The following FOSB variants were observed in gnomAD, a reference collection of about 807,000 sequenced individuals.
FOSB encodes the protein FosB proto-oncogene, AP-1 transcription factor subunit.
FOSB carries 8 observed loss-of-function variants against 31.1 expected under a neutral mutation model. The ratio of observed to expected loss-of-function variants is 0.26; its 90% CI spans 0.15 to 0.46. The LOEUF (loss-of-function observed/expected upper bound fraction) is 0.46. FOSB is among the 20% of genes least tolerant of loss of function. The pLI is 0.99. For synonymous variants in FOSB, 214 were observed against 206.1 expected (o/e 1.04, Z -0.33); for missense variants, 376 against 460.6 (o/e 0.82, Z 1.68).
chr19:45,469,893 T>G (rs1280066601), intron 1 of FOSB: 2 of 151,984 alleles, frequency 1.3e-5, no homozygotes, highest in Admixed American at 1.3e-4. Context: ...AGTTAAGCCT[T>G]CAGAGCAGTT....
rs201608348 is a variant in FOSB, at chr19:45,470,865, T to C, written c.363T>C (p.Gly121=). The C allele has an allele frequency of 1.2e-6, 2 of 1,613,814 alleles. No homozygotes were observed. The highest frequency in any genetic ancestry group is 1.7e-6 in the Non-Finnish European group (2 of 1,179,954). Residue 121 remains glycine (G), a synonymous_variant, in exon 2 of 4, where the codon GGT becomes GGC. Coordinates refer to ENST00000353609, the MANE Select transcript of FOSB (RefSeq NM_006732.3). ...GCAGTGGCGGAGCGAGTGGCAGTGG[T>C]GGGCCTTCCACCAGCGGAACTACCA... The part of the protein sequence containing the change: ...GYSSGGASGS[G]GPSTSGTTSG...
At chr19:45,469,192 G>C (rs1287292458) in intron 1 of FOSB, among the ~76,000 whole-genome samples, 1 of 152,226 alleles carries the variant, frequency 6.6e-6, no homozygotes, top group Admixed American at 6.5e-5. Context: ...ACCCTCAGCC[G>C]CGCTGCCTCC....
Position 45,472,687 on chromosome 19 carries a change from G to A in FOSB, c.692G>A (p.Gly231Glu), listed in dbSNP as rs775259642. Residue 231 changes from glycine (G) to glutamate (E), a missense_variant, in exon 4 of 4, where the codon GGG (glycine) becomes GAG (glutamate). Physicochemically the swap from Gly to Glu is moderately conservative, Grantham distance 98. This residue lies in a region of FOSB where 148 missense variants were observed against 170.0 expected (regional missense o/e 0.87). Coordinates refer to ENST00000353609, the MANE Select transcript of FOSB (RefSeq NM_006732.3). The surrounding 1 kb of genome is among the most constrained non-coding windows in gnomAD (Gnocchi z 5.4). ...AAGATCCCCTACGAAGAGGGGCCCG[G>A]GCCGGGCCCGCTGGCGGAGGTGAGA... ...GCKIPYEEGP[G>E]PGPLAEVRDL... 1.1e-5 allele frequency: 17 copies of A among 1,608,404 alleles called. No individual in the cohort carries two copies. In the Admixed American group the frequency reaches 1.4e-4, roughly 13 times the overall value.
In FOSB at chr19:45,473,588, G is replaced by GC. The variant is rs11351764; in HGVS notation, c.*584dup. On this transcript the variant is annotated 3_prime_UTR_variant, in exon 4 of 4. Coordinates refer to ENST00000353609, the MANE Select transcript of FOSB (RefSeq NM_006732.3). Reference sequence around the variant, plus strand: ...TCCTCTTTACTCTGGGCAGAAGTGAGCCCCCCCCTTAAAGGGAATTCGATG... The same window carrying GC: ...TCCTCTTTACTCTGGGCAGAAGTGAGCCCCCCCCCTTAAAGGGAATTCGATG... 1.8e-4 allele frequency: 24 copies of GC among 131,752 alleles called. No individual in the cohort carries two copies. Among genetic ancestry groups the GC allele is most frequent in the Non-Finnish European group, 2.0e-4 (13 of 63,472 alleles). The allele number at this position is 131,752 out of a possible 1,614,324, so 8.2% of individuals were successfully genotyped here. A position where few individuals can be genotyped will look rare whatever the true frequency, so the allele number is the denominator to read the frequency against.
At chr19:45,469,582 GC>G (rs1239320213) in intron 1 of FOSB, among the ~76,000 whole-genome samples, 4 of 152,228 alleles carry the variant, frequency 2.6e-5, no homozygotes, top group African/African-American at 9.6e-5. Flanking sequence ...CAATGGATCT[GC>G]GAGGCCCTTG....
chr19:45,471,387 C>T, intron 3 of FOSB, 86 bp downstream of exon 3: 1 of 1,004,828 alleles, frequency 1.0e-6, no homozygotes, highest in Non-Finnish European at 1.5e-6. Context: ...GTACCCTTAT[C>T]CTGGGTTGAG....
rs1267582738 is a variant in FOSB at position 45,472,790 on chromosome 19, C to T, written c.795C>T (p.Pro265=). ...CGCCCCCGCCACCACCGCCCCTGCC[C>T]TTCCAGACCAGCCAAGACGCACCCC... The part of the protein sequence containing the change: ...LLPPPPPPPL[P]FQTSQDAPPN... Residue 265 remains proline (P), a synonymous_variant, in exon 4 of 4, where the codon CCC becomes CCT. Coordinates refer to ENST00000353609, the MANE Select transcript of FOSB (RefSeq NM_006732.3). This position sits in a 1 kb window ranked among gnomAD's most constrained non-coding sequence, Gnocchi z 5.4. 6.2e-7 allele frequency: 1 copy of T among 1,614,108 alleles called. No homozygotes were observed.
At position 45,472,498 on chromosome 19, in the gene FOSB, T is replaced by C; in HGVS notation, c.556-53T>C. 1 of 1,403,002 alleles carries C rather than the reference T, an allele frequency of 7.1e-7. No homozygotes were observed. The highest frequency in any genetic ancestry group is 9.5e-7 in the Non-Finnish European group (1 of 1,056,932). The allele number at this position is 1,403,002 out of a possible 1,614,324, so 86.9% of individuals were successfully genotyped here. A position where few individuals can be genotyped will look rare whatever the true frequency, so the allele number is the denominator to read the frequency against. On this transcript the variant is annotated intron_variant, in intron 3 of 3. Coordinates refer to ENST00000353609, the MANE Select transcript of FOSB (RefSeq NM_006732.3). This position sits in a 1 kb window ranked among gnomAD's most constrained non-coding sequence, Gnocchi z 5.4. ...GACCCGAGTTTCCCGGTCACTGACA[T>C]GCTTTTTTCTCCTTCCTCTCTCTCT...
Position 45,468,344 on chromosome 19 carries a change from A to C in FOSB, c.-243A>C. ...TACGGAGCCTGCACTTTCAAGAGGT[A>C]CAGCGGCATCCTGTGGGGGCCTGGG... is the stretch of plus-strand genomic sequence containing the variant. On this transcript the variant is annotated 5_prime_UTR_variant, in exon 1 of 4. Coordinates refer to ENST00000353609, the MANE Select transcript of FOSB (RefSeq NM_006732.3). The surrounding 1 kb of genome is among the most constrained non-coding windows in gnomAD (Gnocchi z 4.8). 4.4e-6 allele frequency: 2 copies of C among 458,434 alleles called. No individual in the cohort carries two copies. The highest frequency in any genetic ancestry group is 3.9e-5 in the Admixed American group (1 of 25,646). 28.4% of individuals were successfully genotyped at this position (458,434 alleles called of 1,614,324 possible). A position where few individuals can be genotyped will look rare whatever the true frequency, so the allele number is the denominator to read the frequency against.
At chr19:45,471,130 G>T in intron 2 of FOSB, 64 bp from the exon 3 acceptor site, 1 of 1,438,434 alleles carries the variant, frequency 7.0e-7, no homozygotes, top group Non-Finnish European at 9.6e-7. Flanking sequence ...AAGAAGTAGA[G>T]GTTCGGGATG....
Position 45,472,434 on chromosome 19 carries a change from C to G in FOSB, c.556-117C>G. ...CATCTCAGGAGGTGTTTTTTCTCAG[C>G]CCGGGGCTGCCTTCCAGCAGCAAGT... On this transcript the variant is annotated intron_variant, in intron 3 of 3. Transcript: ENST00000353609. This position sits in a 1 kb window ranked among gnomAD's most constrained non-coding sequence, Gnocchi z 5.4. The G allele has an allele frequency of 1.0e-5, 8 of 795,726 alleles. No homozygotes were observed. Among genetic ancestry groups the G allele is most frequent in the Non-Finnish European group, 1.3e-5 (7 of 521,418 alleles). 49.3% of individuals were successfully genotyped at this position (795,726 alleles called of 1,614,324 possible).
Position 45,468,416 on chromosome 19 carries a change from C to G in FOSB, c.-171C>G, listed in dbSNP as rs972304175. On this transcript the variant is annotated 5_prime_UTR_variant, in exon 1 of 4. Coordinates refer to ENST00000353609, the MANE Select transcript of FOSB (RefSeq NM_006732.3). This position sits in a 1 kb window ranked among gnomAD's most constrained non-coding sequence, Gnocchi z 4.8. ...AAACTTTGCCATTGTTGGAACGGGA[C>G]GTTGCTCCTTCCCCGAGCTTCCCCG... The G allele has an allele frequency of 4.2e-5, 29 of 687,212 alleles. No homozygotes were observed. Among genetic ancestry groups the G allele is most frequent in the Non-Finnish European group, 2.0e-5 (8 of 401,898 alleles). 42.6% of individuals were successfully genotyped at this position (687,212 alleles called of 1,614,324 possible). A position where few individuals can be genotyped will look rare whatever the true frequency, so the allele number is the denominator to read the frequency against.
At chr19:45,469,320 A>G (rs1013225170) in intron 1 of FOSB, among the ~76,000 whole-genome samples, 4 of 152,054 alleles carry the variant, frequency 2.6e-5, no homozygotes, top group Non-Finnish European at 4.4e-5. Flanking sequence ...CCCGCCCCTG[A>G]CGTCCCGGGA....
rs1967742641 is a variant in FOSB, at chr19:45,473,158, T to A, written c.*146T>A. ...CCTCCGTCTGACCCTCTGCGGCCACTGCGCCACTGCCATCGGACAGGAGGA... is the reference window on the plus strand; with the variant it reads ...CCTCCGTCTGACCCTCTGCGGCCACAGCGCCACTGCCATCGGACAGGAGGA... On this transcript the variant is annotated 3_prime_UTR_variant, in exon 4 of 4. Transcript: ENST00000353609. 4.4e-6 allele frequency: 3 copies of A among 680,572 alleles called. No individual in the cohort carries two copies. Among genetic ancestry groups the A allele is most frequent in the Non-Finnish European group, 7.5e-6 (3 of 402,124 alleles). The allele number at this position is 680,572 out of a possible 1,614,324, so 42.2% of individuals were successfully genotyped here. A position where few individuals can be genotyped will look rare whatever the true frequency, so the allele number is the denominator to read the frequency against.
chr19:45,473,355 T>G lies in FOSB; in HGVS notation c.*343T>G. 3.9e-6 allele frequency: 1 copy of G among 258,224 alleles called. No individual in the cohort carries two copies. Among genetic ancestry groups the G allele is most frequent in the Non-Finnish European group, 7.4e-6 (1 of 135,878 alleles). 16.0% of individuals were successfully genotyped at this position (258,224 alleles called of 1,614,324 possible). On this transcript the variant is annotated 3_prime_UTR_variant, in exon 4 of 4. Coordinates refer to ENST00000353609, the MANE Select transcript of FOSB (RefSeq NM_006732.3). ...GGGAGGGGGGCGGGTGACGCCCACC[T>G]TCGGGCAGTCCTGTGTGAGGATTAA...
intron 1 of FOSB, among the ~76,000 whole-genome samples, chr19:45,469,227 G>A (rs1196305387): frequency 6.6e-6 from 1 of 152,252 alleles, no homozygotes; most frequent in African/African-American, 2.4e-5. Flanking sequence ...GACGTAACGG[G>A]GGACCCGTGC....
chr19:45,471,503 C>CCCG (rs1568613902), intron 3 of FOSB: 2 of 438,888 alleles, frequency 4.6e-6, no homozygotes, highest in Admixed American at 3.3e-5. Flanking sequence ...TGGTCCCCCC[C>CCCG]CCATTTCCTG....
rs554418888 is a variant in FOSB, at chr19:45,474,781, G to C, written c.*1769G>C. On this transcript the variant is annotated 3_prime_UTR_variant, in exon 4 of 4. Transcript: ENST00000353609. ...CGTCTCGGCCCCTCTGATTGTTCCC[G>C]ATGGTCTCTCTCCCTCTGTCTTTTC... The C allele has an allele frequency of 5.9e-5, 9 of 152,086 alleles. No individual in the cohort carries two copies. In the East Asian group the frequency reaches 1.5e-3, roughly 26 times the overall value. The allele number at this position is 152,086 out of a possible 1,614,324, so 9.4% of individuals were successfully genotyped here.
chr19:45,470,550 T>G (rs1967611229), intron 1 of FOSB, 79 bp from the exon 2 acceptor site: 1 of 1,374,848 alleles, frequency 7.3e-7, no homozygotes, highest in Non-Finnish European at 1.0e-6. Flanking sequence ...GGTCGGTGTG[T>G]GTTATGTGTG....
Sources: gnomAD v4.1 joint callset for allele counts (sites outside exome capture counted in the v4.1 genomes callset) on GRCh38, gnomAD v4.1.1 for gene constraint, gnomAD v4.1.1 regional missense constraint, Gnocchi (gnomAD v3.1) non-coding constraint, MANE v1.5 for transcripts, NCBI Gene and HGNC (gene_info 2026-07-23, HGNC 2026-07-21) for gene names.